Variants in SUCLA2 observed in about 807,000 individuals in gnomAD.
SUCLA2 encodes succinate-CoA ligase ADP-forming subunit beta.
Under a neutral mutation model 54.8 loss-of-function variants are expected in SUCLA2, and 30 were observed. The observed-to-expected ratio is 0.55, with a 90% CI of 0.41 to 0.74. SUCLA2 has a LOEUF of 0.74. Among genes scored for constraint, SUCLA2 ranks in the 30% least tolerant of loss-of-function variants. The pLI is 0.00. For missense variants in SUCLA2, 476 were observed against 562.9 expected (o/e 0.85, Z 1.56); for synonymous variants, 172 against 188.9 (o/e 0.91, Z 0.74).
intron 2 of SUCLA2, 99 bp from the exon 3 acceptor site, chr13:47,989,080 CAA>C: frequency 8.3e-7 from 1 of 1,198,202 alleles, no homozygotes; most frequent in Non-Finnish European, 1.2e-6. Flanking sequence ...GTTATTAAAT[CAA>C]GTCTAATTTA....
intron 10 of SUCLA2, among the ~76,000 whole-genome samples, chr13:47,945,440 A>AAAAAAAAAAAC (rs1949721953): frequency 6.7e-6 from 1 of 148,692 alleles, no homozygotes; most frequent in African/African-American, 2.5e-5. Flanking sequence ...AAAAAAAAAA[A>AAAAAAAAAAAC]AAAATCAAGA....
At position 47,968,679 on chromosome 13, in the gene SUCLA2, T is replaced by C. The variant is rs138429115; in HGVS notation, c.718A>G (p.Met240Val). 4.3e-6 allele frequency: 7 copies of C among 1,611,988 alleles called. No individual in the cohort carries two copies. The African/African-American group carries it at 9.3e-5, about 22-fold the overall frequency. The change falls in exon 6 of 11, where the codon ATG (methionine) becomes GTG (valine). Residue 240 changes from methionine to valine, a missense_variant. Physicochemically the swap from Met to Val is conservative, Grantham distance 21. Around this residue, in one of 2 missense-constraint regions of SUCLA2, gnomAD observed 342 missense variants for 444.2 expected, o/e 0.77. Coordinates refer to ENST00000646932, the MANE Select transcript of SUCLA2 (RefSeq NM_003850.3). ...AGAAAAAGGCTGTAAAGCTTGACCA[T>C]GTTTTCTGCTGCTGATTCCACAATA... ...PNIVESAAEN[M>V]VKLYSLFLKY... is the part of the protein sequence containing the mutation.
chr13:47,981,236 T>C (rs1206703003), intron 4 of SUCLA2, among the ~76,000 whole-genome samples: 2 of 152,070 alleles, frequency 1.3e-5, no homozygotes, highest in East Asian at 3.9e-4. Flanking sequence ...TAAGATCTTC[T>C]ACAACTCAAT....
chr13:47,999,485 A>T (rs1211534474), intron 1 of SUCLA2, among the ~76,000 whole-genome samples: 2 of 152,090 alleles, frequency 1.3e-5, no homozygotes, highest in Non-Finnish European at 2.9e-5. Flanking sequence ...AGGCGGGAGG[A>T]TCACGAGGTC....
intron 4 of SUCLA2, among the ~76,000 whole-genome samples, chr13:47,983,940 A>T (rs1950079127): frequency 6.6e-6 from 1 of 152,174 alleles, no homozygotes; most frequent in Non-Finnish European, 1.5e-5. Flanking sequence ...AAAAAAAAGG[A>T]AACAATAATA....
At position 47,943,766 on chromosome 13, in the gene SUCLA2, G is replaced by GTGTATATATATATATATATATATATATA. The variant is rs1300486540; in HGVS notation, c.1318-322_1318-321insTATATATATATATATATATATATATACA. Reference sequence around the variant, plus strand: ...TGTATGTGTGTGTGTGTGTGTGTGTGTATATATATATATATTATTCTAAAT... The same window carrying GTGTATATATATATATATATATATATATA: ...TGTATGTGTGTGTGTGTGTGTGTGTGTGTATATATATATATATATATATATATATATATATATATATATTATTCTAAAT... On this transcript the variant is annotated intron_variant, in intron 10 of 10. Coordinates refer to ENST00000646932, the MANE Select transcript of SUCLA2 (RefSeq NM_003850.3). 4.3e-5 allele frequency among the ~76,000 whole-genome samples: 6 copies of GTGTATATATATATATATATATATATATA among 139,662 alleles called. No individual in the cohort carries two copies. In the East Asian group the frequency reaches 8.7e-4, roughly 20 times the overall value. The allele number at this position is 139,662 out of a possible 152,430, so 91.6% of individuals were successfully genotyped here.
At chr13:47,957,872 T>TTTTGGA (rs1453775701) in intron 6 of SUCLA2, among the ~76,000 whole-genome samples, 1 of 152,202 alleles carries the variant, frequency 6.6e-6, no homozygotes, top group Non-Finnish European at 1.5e-5. Context: ...AGGAAGCACC[T>TTTTGGA]CAAGTGTGTC....
intron 10 of SUCLA2, chr13:47,945,808 T>G (rs1399557980): frequency 6.6e-6 from 1 of 152,212 alleles, no homozygotes; most frequent in East Asian, 1.9e-4. Flanking sequence ...AAACTGTGTG[T>G]TGTTCTGAGA....
chr13:47,996,978 G>C lies in SUCLA2; in HGVS notation c.136C>G (p.Gln46Glu), dbSNP rs750313892. Residue 46 changes from glutamine (Q) to glutamate (E), a missense_variant, in exon 2 of 11, where the codon CAG becomes GAG. Gln to Glu is a conservative substitution (Grantham distance 29). This residue lies in a region of SUCLA2 where 134 missense variants were observed against 118.7 expected (regional missense o/e 1.13). Transcript: ENST00000646932. ...GLFNNHGLQV[Q>E]QQQQRNLSLH... ...GAGAGATTCCTTTGCTGTTGCTGCT[G>C]TACTTGGAGTCCATGGTTATTAAAC... 1 of 1,614,070 alleles carries C rather than the reference G, an allele frequency of 6.2e-7. No homozygotes were observed. Among genetic ancestry groups the C allele is most frequent in the South Asian group, 1.1e-5 (1 of 91,082 alleles).
chr13:47,952,212 CT>C (rs981465876), intron 8 of SUCLA2, among the ~76,000 whole-genome samples: 5 of 152,086 alleles, frequency 3.3e-5, no homozygotes, highest in Admixed American at 3.3e-4. Flanking sequence ...AACTCTTCAC[CT>C]TGGTCCTTCG....
At chr13:47,993,914 A>C (rs1308113193) in intron 2 of SUCLA2, among the ~76,000 whole-genome samples, 3 of 152,074 alleles carry the variant, frequency 2.0e-5, no homozygotes, top group Admixed American at 6.5e-5. Context: ...CATGCCTGTA[A>C]TCCCAGCTAC....
At chr13:48,000,751 T>C (rs1950223602) in intron 1 of SUCLA2, 4 of 628,284 alleles carry the variant, frequency 6.4e-6, no homozygotes, top group Non-Finnish European at 7.9e-6. Context: ...TCCTCTGACA[T>C]TCCCACCTAT....
chr13:47,977,530 A>G (rs1414042761), intron 4 of SUCLA2, among the ~76,000 whole-genome samples: 1 of 152,178 alleles, frequency 6.6e-6, no homozygotes, highest in Non-Finnish European at 1.5e-5. Context: ...AACTCAAAAA[A>G]TACTAGCAAA....
intron 8 of SUCLA2, among the ~76,000 whole-genome samples, chr13:47,953,314 T>C (rs1949791225): frequency 1.3e-5 from 2 of 152,168 alleles, no homozygotes; most frequent in Non-Finnish European, 1.5e-5. Flanking sequence ...TCAATTCTAG[T>C]AGTAAGTACT....
Position 47,981,806 on chromosome 13 carries a change from C to T in SUCLA2, c.534+6735G>A, listed in dbSNP as rs1480592285. ...CCAGCCTGGGCAACAGAACGAGACT[C>T]CGTCTCAAAAAAATACAAAAATAAA... On this transcript the variant is annotated intron_variant, in intron 4 of 10. Coordinates refer to ENST00000646932, the MANE Select transcript of SUCLA2 (RefSeq NM_003850.3). 2.6e-5 allele frequency among the ~76,000 whole-genome samples: 4 copies of T among 152,224 alleles called. No homozygotes were observed. The East Asian group carries it at 7.7e-4, about 29-fold the overall frequency.
chr13:47,962,187 G>A (rs1949876104), intron 6 of SUCLA2, among the ~76,000 whole-genome samples: 1 of 151,918 alleles, frequency 6.6e-6, no homozygotes, highest in South Asian at 2.1e-4. Flanking sequence ...GCTATATATA[G>A]CCTTGATATA....
At chr13:47,972,895 G>A (rs1049939431) in intron 5 of SUCLA2, among the ~76,000 whole-genome samples, 10 of 150,160 alleles carry the variant, frequency 6.7e-5, no homozygotes, top group Non-Finnish European at 5.9e-5. Flanking sequence ...CTACAGGCAC[G>A]CACCACCATG....
chr13:47,963,675 T>G (rs117163601), intron 6 of SUCLA2, among the ~76,000 whole-genome samples: 4,292 of 151,560 alleles, frequency 0.028, 96 homozygotes, highest in South Asian at 0.081. Context: ...AAAACAGACA[T>G]AAATATAGGT....
rs1292577823 is a variant in SUCLA2 at position 47,943,463 on chromosome 13, A to G, written c.1318-18T>C. ...TTTACAACCTAAAAGAAAAGAACGA[A>G]GAATTTTCACAAAAAGGTAAATTCA... On this transcript the variant is annotated intron_variant, in intron 10 of 10. Transcript: ENST00000646932. The G allele has an allele frequency of 1.2e-6, 2 of 1,613,078 alleles. No homozygotes were observed. The highest frequency in any genetic ancestry group is 4.5e-5 in the East Asian group (2 of 44,826).
Sources: gnomAD v4.1 joint callset for allele counts (sites outside exome capture counted in the v4.1 genomes callset) on GRCh38, gnomAD v4.1.1 for gene constraint, gnomAD v4.1.1 regional missense constraint, MANE v1.5 for transcripts, NCBI Gene and HGNC (gene_info 2026-07-23, HGNC 2026-07-21) for gene names.